The following TMEM161B variants were observed in gnomAD, a reference collection of about 807,000 sequenced individuals.
The protein encoded by TMEM161B is transmembrane protein 161B.
In TMEM161B, 34 loss-of-function variants were observed where a neutral mutation model predicts 61.8. The ratio of observed to expected loss-of-function variants is 0.55; its 90% CI spans 0.42 to 0.73. The LOEUF is 0.73. Ranked by LOEUF, TMEM161B falls within the 30% of genes least tolerant of loss-of-function variation. The pLI is 0.00. For missense variants in TMEM161B, 456 were observed against 558.5 expected, an observed-to-expected ratio of 0.82 and a Z score of 1.85; for synonymous variants, 167 against 192.8, an observed-to-expected ratio of 0.87 and a Z score of 1.11.
chr5:88,254,825 G>A (rs1168387634), intron 1 of TMEM161B, among the ~76,000 whole-genome samples: 1 of 150,084 alleles, frequency 6.7e-6, no homozygotes, highest in Non-Finnish European at 1.5e-5. Flanking sequence ...CTGACAAAGT[G>A]AGACCCTCTG....
At chr5:88,229,232 A>C (rs974586446) in intron 2 of TMEM161B, among the ~76,000 whole-genome samples, 5 of 152,262 alleles carry the variant, frequency 3.3e-5, no homozygotes, top group African/African-American at 1.2e-4. Flanking sequence ...TAGTCATCCC[A>C]ACTATCTACA....
rs1220334414 is a variant in TMEM161B at position 88,245,115 on chromosome 5, A to C, written c.4-4199T>G. 2.0e-5 allele frequency among the ~76,000 whole-genome samples: 3 copies of C among 151,930 alleles called. No homozygotes were observed. The East Asian group carries it at 5.8e-4, about 29-fold the overall frequency. On this transcript the variant is annotated intron_variant, in intron 1 of 11. Coordinates refer to ENST00000296595, the MANE Select transcript of TMEM161B (RefSeq NM_153354.5). The stretch of plus-strand genomic sequence containing the variant: ...TAAAAAGAACAAAACTAGAGGTATC[A>C]TGTTACCCAACTGTTTTTAAAATGT...
chr5:88,241,004 A>C (rs909801217), intron 1 of TMEM161B, 88 bp from the exon 2 acceptor site: 1 of 866,776 alleles, frequency 1.2e-6, no homozygotes, highest in African/African-American at 1.8e-5. Context: ...TTTGAAAATT[A>C]CATTTTAAGA....
rs189021012 is a variant in TMEM161B, at chr5:88,218,921, C to T, written c.446+1642G>A. The stretch of plus-strand genomic sequence containing the variant: ...ACTGGAGAATATGCTCTGCCAAAAT[C>T]GGAAAGTAAACCAAGTAGGAGGCAG... On this transcript the variant is annotated intron_variant, in intron 5 of 11. Transcript: ENST00000296595. Among the ~76,000 whole-genome samples the T allele has an allele frequency of 7.6e-4, 115 of 151,934 alleles. 1 individual carries two copies. The highest frequency in any genetic ancestry group is 2.5e-3 in the African/African-American group (103 of 41,488).
chr5:88,196,351 C>T lies in TMEM161B; in HGVS notation c.1324G>A (p.Ala442Thr), dbSNP rs1458636888. 1.2e-6 allele frequency: 2 copies of T among 1,613,238 alleles called. No individual in the cohort carries two copies. The highest frequency in any genetic ancestry group is 1.3e-5 in the African/African-American group (1 of 74,836). Residue 442 changes from alanine (A) to threonine (T), a missense_variant, in exon 12 of 12, where the codon GCA (alanine) becomes ACA (threonine). Around this residue, in one of 3 missense-constraint regions of TMEM161B, gnomAD observed 367 missense variants for 427.3 expected, o/e 0.86. Coordinates refer to ENST00000296595, the MANE Select transcript of TMEM161B (RefSeq NM_153354.5). ...AAAATATTTTTTAAGCTGCTCAGTG[C>T]CACTGTTATTTGTGTAACAGTTACC... Reference protein sequence around the residue: ...MKVTVTQITVALSSLKNIFTP... With the variant: ...MKVTVTQITVTLSSLKNIFTP...
chr5:88,219,090 T>C (rs1748446854), intron 5 of TMEM161B, among the ~76,000 whole-genome samples: 1 of 152,282 alleles, frequency 6.6e-6, no homozygotes, highest in African/African-American at 2.4e-5. Flanking sequence ...ATCTGAGGGT[T>C]CCAGGAGGAA....
chr5:88,236,103 T>C (rs1751802913), intron 2 of TMEM161B, among the ~76,000 whole-genome samples: 1 of 152,054 alleles, frequency 6.6e-6, no homozygotes, highest in Non-Finnish European at 1.5e-5. Context: ...CAACATGCAA[T>C]AAAGAACAGG....
At position 88,228,444 on chromosome 5, in the gene TMEM161B, CCTAT is replaced by C. The variant is rs1750422690; in HGVS notation, c.188_191del (p.Asp63GlyfsTer12). On this transcript the variant is annotated frameshift_variant and splice_region_variant, in exon 3 of 12. Coordinates refer to ENST00000296595, the MANE Select transcript of TMEM161B (RefSeq NM_153354.5). LOFTEE classifies it high-confidence loss of function. The stretch of plus-strand genomic sequence containing the variant: ...TACTTTACAAGCTCAATAAAACTTA[CCTAT>C]CTTTTTTGGTTTTCCCTTTTTGTTG... The C allele has an allele frequency of 6.3e-7, 1 of 1,594,718 alleles. No homozygotes were observed. Among genetic ancestry groups the C allele is most frequent in the African/African-American group, 1.3e-5 (1 of 74,356 alleles).
At chr5:88,257,501 C>CG (rs1233818361) in intron 1 of TMEM161B, among the ~76,000 whole-genome samples, 2 of 152,078 alleles carry the variant, frequency 1.3e-5, no homozygotes, top group African/African-American at 2.4e-5. Flanking sequence ...ACACTAGGAT[C>CG]GAAGTAGTTC....
At chr5:88,252,306 T>C (rs999026884) in intron 1 of TMEM161B, among the ~76,000 whole-genome samples, 1 of 152,180 alleles carries the variant, frequency 6.6e-6, no homozygotes, top group Non-Finnish European at 1.5e-5. Flanking sequence ...GACTGAATTT[T>C]AGCTCCTTGA....
intron 1 of TMEM161B, among the ~76,000 whole-genome samples, chr5:88,262,648 A>G (rs1400278151): frequency 6.6e-6 from 1 of 152,144 alleles, no homozygotes. Context: ...TTAATCTGAA[A>G]AGTCTACATA....
intron 2 of TMEM161B, among the ~76,000 whole-genome samples, chr5:88,237,122 T>G (rs1751980132): frequency 6.6e-6 from 1 of 152,144 alleles, no homozygotes; most frequent in African/African-American, 2.4e-5. Context: ...ATTTAAAACT[T>G]GTTTTGTCAT....
rs756933434 is a variant in TMEM161B, at chr5:88,228,542, G to T, written c.108-14C>A. 12 of 1,562,698 alleles carry T rather than the reference G, an allele frequency of 7.7e-6. No homozygotes were observed. Among genetic ancestry groups the T allele is most frequent in the Non-Finnish European group, 1.0e-5 (12 of 1,154,268 alleles). On this transcript the variant is annotated splice_polypyrimidine_tract_variant and intron_variant, in intron 2 of 11. Transcript: ENST00000296595. ...TACCACCTCAAACTAAGCAAAAAAA[G>T]AATTCTTTTAAATAAAGCGCTTAAA...
intron 1 of TMEM161B, among the ~76,000 whole-genome samples, chr5:88,258,001 C>T (rs747082720): frequency 1.3e-5 from 2 of 152,044 alleles, no homozygotes; most frequent in African/African-American, 2.4e-5. Flanking sequence ...TTTTCAGTGG[C>T]TATCAAGAGA....
intron 2 of TMEM161B, among the ~76,000 whole-genome samples, chr5:88,232,017 G>A (rs1407258603): frequency 6.6e-6 from 1 of 151,898 alleles, no homozygotes; most frequent in African/African-American, 2.4e-5. Flanking sequence ...AGTTCTGTGT[G>A]TCATTCCAGC....
chr5:88,210,920 T>C (rs1377379824), intron 5 of TMEM161B, among the ~76,000 whole-genome samples: 1 of 152,212 alleles, frequency 6.6e-6, no homozygotes, highest in African/African-American at 2.4e-5. Flanking sequence ...ACATTTTCTA[T>C]GAAAGACCAG....
chr5:88,248,714 GAAAA>G, intron 1 of TMEM161B, among the ~76,000 whole-genome samples: 1 of 117,588 alleles, frequency 8.5e-6, no homozygotes, highest in East Asian at 2.5e-4. Context: ...AGTCGACTGA[GAAAA>G]AAAAAAAAAA....
intron 9 of TMEM161B, chr5:88,201,360 T>C (rs369162376): frequency 1.3e-5 from 2 of 151,994 alleles, no homozygotes; most frequent in South Asian, 2.1e-4. Flanking sequence ...GAAGTGAATG[T>C]TGGTATAACT....
At chr5:88,252,795 T>C (rs1000652063) in intron 1 of TMEM161B, among the ~76,000 whole-genome samples, 1 of 152,194 alleles carries the variant, frequency 6.6e-6, no homozygotes. Context: ...TAAAGGATGA[T>C]CAATCTTTAT....
Sources: gnomAD v4.1 joint callset for allele counts (sites outside exome capture counted in the v4.1 genomes callset) on GRCh38, gnomAD v4.1.1 for gene constraint, gnomAD v4.1.1 regional missense constraint, MANE v1.5 for transcripts, NCBI Gene and HGNC (gene_info 2026-07-23, HGNC 2026-07-21) for gene names.